Variants in EXOC4 observed in about 807,000 individuals in gnomAD.
EXOC4 encodes the protein SEC8-like 1.
EXOC4 carries 71 observed loss-of-function variants against 107.2 expected under a neutral mutation model. The observed-to-expected ratio is 0.66, with a 90% confidence interval of 0.55 to 0.81. EXOC4 has a LOEUF of 0.81. Ranked by LOEUF, EXOC4 falls within the 30% of genes least tolerant of loss-of-function variation. The pLI, the probability that EXOC4 is intolerant of heterozygous loss-of-function variation, is 0.00. For synonymous variants in EXOC4, 456 were observed against 441.2 expected (o/e 1.03, Z -0.42); for missense variants, 1,108 against 1,189.6 (o/e 0.93, Z 1.01).
the EXOC4 span, among the ~76,000 whole-genome samples, chr7:134,085,667 G>T: frequency 3.9e-5 from 6 of 152,210 alleles, no homozygotes; most frequent in African/African-American, 1.2e-4. Context: ...TTCACAGGAT[G>T]TTGTTGTCAT....
chr7:133,301,053 G>A (rs939166081), intron 3 of EXOC4, among the ~76,000 whole-genome samples: 2 of 152,172 alleles, frequency 1.3e-5, no homozygotes, highest in Admixed American at 6.5e-5. Flanking sequence ...TTGCTTAGAC[G>A]TGAGTCGGAA....
At chr7:133,306,875 C>T (rs1409574429) in intron 4 of EXOC4, among the ~76,000 whole-genome samples, 1 of 152,030 alleles carries the variant, frequency 6.6e-6, no homozygotes, top group Non-Finnish European at 1.5e-5. Context: ...TATTTAATGG[C>T]CTGGGTAGTC....
At chr7:133,780,717 C>G (rs1048276597) in intron 10 of EXOC4, among the ~76,000 whole-genome samples, 1 of 152,082 alleles carries the variant, frequency 6.6e-6, no homozygotes, top group Admixed American at 6.6e-5. Context: ...TAGGAGCAAC[C>G]TGGGGGAAGG....
intron 5 of EXOC4, among the ~76,000 whole-genome samples, chr7:133,319,635 G>A (rs1173078262): frequency 2.6e-5 from 4 of 151,940 alleles, no homozygotes; most frequent in Admixed American, 6.6e-5. Flanking sequence ...GATTACAGGC[G>A]TGCACCACCA....
At chr7:133,281,895 GT>G (rs995373256) in intron 2 of EXOC4, among the ~76,000 whole-genome samples, 1 of 151,996 alleles carries the variant, frequency 6.6e-6, no homozygotes, top group African/African-American at 2.4e-5. Flanking sequence ...TAGAGATGGG[GT>G]TTCACCATGT....
At chr7:133,406,098 T>G (rs1466113123) in intron 7 of EXOC4, among the ~76,000 whole-genome samples, 3 of 152,234 alleles carry the variant, frequency 2.0e-5, no homozygotes, top group Non-Finnish European at 4.4e-5. Context: ...AGTGATTTAC[T>G]GCTCATAGAG....
chr7:133,850,686 A>G (rs759346895), intron 11 of EXOC4, among the ~76,000 whole-genome samples: 110 of 150,188 alleles, frequency 7.3e-4, no homozygotes, highest in Non-Finnish European at 1.3e-3. Context: ...TATCACTCCA[A>G]CAGATGGTCA....
chr7:133,325,561 A>G (rs1298218118), intron 5 of EXOC4, among the ~76,000 whole-genome samples: 2 of 152,078 alleles, frequency 1.3e-5, no homozygotes, highest in Non-Finnish European at 2.9e-5. Flanking sequence ...TGGCTTGTAG[A>G]GTTTCTGCCG....
chr7:133,276,326 G>A (rs1378219977), intron 2 of EXOC4, among the ~76,000 whole-genome samples: 1 of 152,038 alleles, frequency 6.6e-6, no homozygotes, highest in African/African-American at 2.4e-5. Flanking sequence ...ATAGTTATGT[G>A]GTTTTTAGCT....
At chr7:133,546,272 T>TC (rs1554470305) in intron 9 of EXOC4, among the ~76,000 whole-genome samples, 29 of 149,002 alleles carry the variant, frequency 1.9e-4, no homozygotes, top group Admixed American at 4.7e-4. Context: ...TTTTTTTTTT[T>TC]CCGAGATGGA....
intron 14 of EXOC4, among the ~76,000 whole-genome samples, chr7:133,983,573 T>G (rs1244819798): frequency 3.3e-5 from 5 of 151,956 alleles, no homozygotes; most frequent in African/African-American, 1.2e-4. Context: ...ACCCAGTGAA[T>G]AAGCCGTTCC....
intron 1 of EXOC4, among the ~76,000 whole-genome samples, chr7:133,268,639 T>C (rs1793793060): frequency 6.6e-6 from 1 of 152,190 alleles, no homozygotes; most frequent in Non-Finnish European, 1.5e-5. Context: ...CAGAGGCTAG[T>C]ATGAAAATGG....
intron 17 of EXOC4, among the ~76,000 whole-genome samples, chr7:134,018,603 C>T (rs1794961186): frequency 6.6e-6 from 1 of 152,146 alleles, no homozygotes; most frequent in African/African-American, 2.4e-5. Context: ...GCCCATATCA[C>T]TTGCTCTTTT....
At chr7:133,792,151 C>G (rs1240933670) in intron 10 of EXOC4, among the ~76,000 whole-genome samples, 1 of 152,122 alleles carries the variant, frequency 6.6e-6, no homozygotes, top group African/African-American at 2.4e-5. Flanking sequence ...GATTTGGAGG[C>G]TCTGCCACCA....
In EXOC4 at chr7:133,695,717, TAG is replaced by T. The variant is rs529200970; in HGVS notation, c.1514+65580_1514+65581del. 2.6e-4 allele frequency among the ~76,000 whole-genome samples: 40 copies of T among 152,348 alleles called. 1 individual carries two copies. In the South Asian group the frequency reaches 5.6e-3, roughly 21 times the overall value. On this transcript the variant is annotated intron_variant, in intron 10 of 17. Coordinates refer to ENST00000253861, the MANE Select transcript of EXOC4 (RefSeq NM_021807.4). Reference sequence around the variant, plus strand: ...TGTATTGATAATTGTTGCAGTGATATAGAGATAGCACCTTTTCTAGTCCATTA... The same window carrying T: ...TGTATTGATAATTGTTGCAGTGATATAGATAGCACCTTTTCTAGTCCATTA...
intron 1 of EXOC4, among the ~76,000 whole-genome samples, chr7:133,269,318 A>G (rs1793810408): frequency 6.6e-6 from 1 of 152,206 alleles, no homozygotes; most frequent in Admixed American, 6.5e-5. Flanking sequence ...TAGAAAGAGC[A>G]TGGATTTTGG....
At chr7:133,584,428 G>C (rs190859432) in intron 9 of EXOC4, among the ~76,000 whole-genome samples, 3 of 152,134 alleles carry the variant, frequency 2.0e-5, no homozygotes, top group Non-Finnish European at 2.9e-5. Context: ...AGCCAGAGTT[G>C]GGAGTCTTCT....
intron 9 of EXOC4, among the ~76,000 whole-genome samples, chr7:133,542,665 AAGC>A (rs915235035): frequency 1.3e-5 from 2 of 152,004 alleles, no homozygotes; most frequent in African/African-American, 4.8e-5. Flanking sequence ...ATCAGAGAAA[AAGC>A]AGCTTCTGAG....
chr7:133,546,081 A>G (rs1800475037), intron 9 of EXOC4, among the ~76,000 whole-genome samples: 1 of 152,014 alleles, frequency 6.6e-6, no homozygotes, highest in Non-Finnish European at 1.5e-5. Context: ...GCCTGATATC[A>G]CTCTAGATAA....
Sources: gnomAD v4.1 joint callset for allele counts (sites outside exome capture counted in the v4.1 genomes callset) on GRCh38, gnomAD v4.1.1 for gene constraint, MANE v1.5 for transcripts, NCBI Gene and HGNC (gene_info 2026-07-23, HGNC 2026-07-21) for gene names.